Variants in CIITA observed in about 807,000 individuals in gnomAD.
The protein encoded by CIITA is class II major histocompatibility complex transactivator, also known as MHC class II transactivator.
Under a neutral mutation model 115.1 loss-of-function variants are expected in CIITA, and 72 were observed. That is an observed-to-expected ratio of 0.63 (90% CI 0.52 to 0.76). CIITA has a LOEUF of 0.76. Ranked by LOEUF, CIITA falls within the 30% of genes least tolerant of loss-of-function variation. The pLI, the probability that CIITA is intolerant of heterozygous loss-of-function variation, is 0.00. For synonymous variants in CIITA, 763 were observed against 635.6 expected (o/e 1.20, Z -3.02); for missense variants, 1,617 against 1,463.8 (o/e 1.10, Z -1.71).
chr16:10,874,842 T>A (rs1381204775), upstream of CIITA, among the ~76,000 whole-genome samples: 3 of 152,148 alleles, frequency 2.0e-5, no homozygotes, highest in African/African-American at 7.2e-5. Flanking sequence ...TGGGGGGACA[T>A]CAGAACCAGC....
rs2039893411 is a variant in CIITA at position 10,915,551 on chromosome 16, C to T, written c.2889-19C>T. 1 of 1,607,698 alleles carries T rather than the reference C, an allele frequency of 6.2e-7. No individual in the cohort carries two copies. The highest frequency in any genetic ancestry group is 1.3e-5 in the African/African-American group (1 of 74,782). ...TGTGACTGTGACTGGAGGTCTTACC[C>T]TTGCTCTTTGCCTCCTAGGCTGGGC... On this transcript the variant is annotated intron_variant, in intron 13 of 19. Coordinates refer to ENST00000324288, the MANE Select transcript of CIITA (RefSeq NM_000246.4).
At chr16:10,867,315 G>A (rs1025890664) in intron 1 of CIITA, among the ~76,000 whole-genome samples, 1 of 102,730 alleles carries the variant, frequency 9.7e-6, no homozygotes, top group African/African-American at 2.7e-5. Flanking sequence ...AGAGCCCACT[G>A]TGTGTGTTGG....
intron 1 of CIITA, among the ~76,000 whole-genome samples, chr16:10,869,169 C>T (rs2035301026): frequency 6.6e-6 from 1 of 152,206 alleles, no homozygotes; most frequent in Non-Finnish European, 1.5e-5. Context: ...TGCACTGGCT[C>T]CCACGTTACT....
intron 1 of CIITA, chr16:10,866,625 A>G: frequency 2.3e-6 from 1 of 428,588 alleles, no homozygotes; most frequent in South Asian, 1.8e-5. Context: ...TAGACAGCTC[A>G]AGGATTTTCC....
intron 1 of CIITA, among the ~76,000 whole-genome samples, chr16:10,870,045 C>A (rs1364576757): frequency 6.7e-6 from 1 of 150,178 alleles, no homozygotes; most frequent in Non-Finnish European, 1.5e-5. Context: ...CATGTAATGC[C>A]ATTATTCCTA....
chr16:10,906,448 T>C (rs1596548098), intron 10 of CIITA, 51 bp from the exon 11 acceptor site: 2 of 1,595,828 alleles, frequency 1.3e-6, no homozygotes, highest in South Asian at 1.1e-5. Context: ...TGGCTGGCCC[T>C]GGCCCTGCCT....
chr16:10,924,426 T>C lies in CIITA; in HGVS notation c.*571T>C, dbSNP rs1424198204. On this transcript the variant is annotated 3_prime_UTR_variant, in exon 20 of 20. Coordinates refer to ENST00000324288, the MANE Select transcript of CIITA (RefSeq NM_000246.4). The stretch of plus-strand genomic sequence containing the variant: ...TTTTTCATTTTTAGTAGAGACAGGG[T>C]TTTGCCATGTTGGCCAGGCTGGTCT... The C allele has an allele frequency of 6.6e-6, 1 of 152,204 alleles. No individual in the cohort carries two copies. Among genetic ancestry groups the C allele is most frequent in the Non-Finnish European group, 1.5e-5 (1 of 68,118 alleles). 9.4% of individuals were successfully genotyped at this position (152,204 alleles called of 1,614,324 possible).
intron 15 of CIITA, among the ~76,000 whole-genome samples, chr16:10,917,984 C>G (rs1393991344): frequency 6.6e-6 from 1 of 152,216 alleles, no homozygotes; most frequent in Non-Finnish European, 1.5e-5. Context: ...TTCCGTCCCC[C>G]TCTTTCTTAC....
In CIITA at chr16:10,941,852, G is replaced by C. The variant is rs1391592785; in HGVS notation, n.978G>C. The C allele has an allele frequency of 1.2e-6, 2 of 1,612,930 alleles. No individual in the cohort carries two copies. The highest frequency in any genetic ancestry group is 1.3e-5 in the African/African-American group (1 of 75,022). Reference sequence around the variant, plus strand: ...GGCAGGAAGACGAGGCCCACGTTGAGGACGATGTACTCCATGAGGAAGGCG... The same window carrying C: ...GGCAGGAAGACGAGGCCCACGTTGACGACGATGTACTCCATGAGGAAGGCG... On this transcript the variant is annotated non_coding_transcript_exon_variant, in exon 2 of 2. Coordinates refer to the CIITA transcript ENST00000573379. This position sits in a 1 kb window ranked among gnomAD's most constrained non-coding sequence, Gnocchi z 6.4.
intron 1 of CIITA, among the ~76,000 whole-genome samples, chr16:10,869,063 T>A (rs1207730072): frequency 6.6e-6 from 1 of 152,348 alleles, no homozygotes; most frequent in Non-Finnish European, 1.5e-5. Flanking sequence ...TTCATTTTGA[T>A]GGGGGTTCGG....
Position 10,906,596 on chromosome 16 carries a change from C to G in CIITA, c.1104C>G (p.Ala368=), listed in dbSNP as rs1303937926. The part of the protein sequence containing the change: ...GILVEVDLVQ[A]RLERSSSKSL... The stretch of plus-strand genomic sequence containing the variant: ...TAGTGGAGGTGGATCTGGTGCAGGC[C>G]AGGCTGGAGAGGAGCAGCAGCAAGA... Residue 368 remains alanine, a synonymous_variant, in exon 11 of 20, where the codon GCC becomes GCG. Coordinates refer to ENST00000324288, the MANE Select transcript of CIITA (RefSeq NM_000246.4). The G allele has an allele frequency of 6.2e-7, 1 of 1,613,602 alleles. No individual in the cohort carries two copies. The highest frequency in any genetic ancestry group is 1.3e-5 in the African/African-American group (1 of 74,908).
chr16:10,912,430 T>A (rs774465919), intron 13 of CIITA, among the ~76,000 whole-genome samples: 4 of 152,142 alleles, frequency 2.6e-5, no homozygotes, highest in Admixed American at 1.3e-4. Flanking sequence ...TCAGTGCATT[T>A]TATATATAAT....
intron 1 of CIITA, among the ~76,000 whole-genome samples, chr16:10,884,895 C>T (rs892369604): frequency 2.6e-5 from 4 of 151,942 alleles, no homozygotes; most frequent in South Asian, 2.1e-4. Context: ...CTGTACACCT[C>T]AATTCCATTG....
At chr16:10,889,573 G>A (rs2037333067) in intron 1 of CIITA, among the ~76,000 whole-genome samples, 1 of 151,746 alleles carries the variant, frequency 6.6e-6, no homozygotes. Flanking sequence ...AGGCTGGAGT[G>A]CAGTGGCGCA....
At chr16:10,894,280 G>A (rs988317963) in intron 1 of CIITA, among the ~76,000 whole-genome samples, 2 of 152,068 alleles carry the variant, frequency 1.3e-5, no homozygotes, top group African/African-American at 4.8e-5. Flanking sequence ...CCATGTTCCA[G>A]CATGTATCAG....
chr16:10,897,913 T>G (rs2038298644), intron 3 of CIITA, among the ~76,000 whole-genome samples: 1 of 152,128 alleles, frequency 6.6e-6, no homozygotes, highest in South Asian at 2.1e-4. Flanking sequence ...AAGTCCTAAC[T>G]TTCCCCAGCA....
intron 1 of CIITA, among the ~76,000 whole-genome samples, chr16:10,892,735 C>G (rs760018146): frequency 1.3e-5 from 2 of 152,156 alleles, no homozygotes; most frequent in African/African-American, 2.4e-5. Context: ...GAGTTCAAGA[C>G]CAGCGTGGCC....
intron 5 of CIITA, among the ~76,000 whole-genome samples, chr16:10,900,428 T>TC (rs1567401228): frequency 6.6e-6 from 1 of 152,248 alleles, no homozygotes; most frequent in African/African-American, 2.4e-5. Context: ...GATAAATATT[T>TC]CCCCCCAAGA....
In CIITA at chr16:10,922,462, C is replaced by T. The variant is rs2040325716; in HGVS notation, c.3289C>T (p.Arg1097Trp). 11 of 1,614,108 alleles carry T rather than the reference C, an allele frequency of 6.8e-6. No homozygotes were observed. Among genetic ancestry groups the T allele is most frequent in the Non-Finnish European group, 9.3e-6 (11 of 1,179,982 alleles). Residue 1097 changes from arginine to tryptophan, a missense_variant, in exon 18 of 20, where the codon CGG becomes TGG. Transcript: ENST00000324288. ...AGAQQLAASL[R>W]RCPHVETLAM... is the part of the protein sequence containing the mutation. Reference sequence around the variant, plus strand: ...GGCCCAGCAGCTCGCTGCCAGCCTTCGGAGGTGTCCTCATGTGGAGACGCT... The same window carrying T: ...GGCCCAGCAGCTCGCTGCCAGCCTTTGGAGGTGTCCTCATGTGGAGACGCT...
Sources: allele counts gnomAD v4.1 joint callset (sites outside exome capture counted in the v4.1 genomes callset), GRCh38; gene constraint gnomAD v4.1.1; non-coding constraint Gnocchi (gnomAD v3.1); transcripts MANE v1.5; gene names NCBI Gene and HGNC (gene_info 2026-07-23, HGNC 2026-07-21).